RALGPS1: variants seen among roughly 807,000 people sequenced by gnomAD.
RALGPS1 encodes ras-specific guanine nucleotide-releasing factor RalGPS1.
RALGPS1 carries 19 observed loss-of-function variants against 78.8 expected under a neutral mutation model. The observed-to-expected ratio is 0.24, with a 90% CI of 0.17 to 0.35. The LOEUF is 0.35. Among genes scored for constraint, RALGPS1 ranks in the 10% least tolerant of loss-of-function variants. The pLI, the probability that RALGPS1 is intolerant of heterozygous loss-of-function variation, is 1.00. For missense variants in RALGPS1, 454 were observed against 688.3 expected (o/e 0.66, Z 3.81); for synonymous variants, 228 against 256.3 (o/e 0.89, Z 1.06).
chr9:127,019,388 T>C lies in RALGPS1; in HGVS notation c.217-15043T>C, dbSNP rs942010250. Among the ~76,000 whole-genome samples the C allele has an allele frequency of 3.9e-5, 6 of 152,120 alleles. No individual in the cohort carries two copies. The South Asian group carries it at 1.2e-3, about 32-fold the overall frequency. ...TGTCGCCCAGGCTGGAGTGCAGTGG[T>C]GCAATCTCGGCTCACTGCAAGCTCT... On this transcript the variant is annotated intron_variant, in intron 4 of 18. Coordinates refer to ENST00000259351, the MANE Select transcript of RALGPS1 (RefSeq NM_014636.3).
intron 7 of RALGPS1, among the ~76,000 whole-genome samples, chr9:127,067,765 C>T (rs1341603598): frequency 6.6e-6 from 1 of 152,200 alleles, no homozygotes; most frequent in Non-Finnish European, 1.5e-5. Flanking sequence ...GACCTCCAAT[C>T]CCAGAAGCAC....
intron 8 of RALGPS1, among the ~76,000 whole-genome samples, chr9:127,140,540 G>A (rs1216930750): frequency 6.6e-6 from 1 of 152,174 alleles, no homozygotes; most frequent in Non-Finnish European, 1.5e-5. Context: ...TCCACCAACA[G>A]AACATTCCAC....
intron 4 of RALGPS1, among the ~76,000 whole-genome samples, chr9:126,993,122 T>C (rs1047712562): frequency 9.2e-5 from 14 of 152,266 alleles, no homozygotes; most frequent in Non-Finnish European, 2.1e-4. Context: ...CCTGCATCTA[T>C]TGACATAATC....
chr9:127,081,951 A>T (rs1322415155), intron 8 of RALGPS1, among the ~76,000 whole-genome samples: 2 of 152,216 alleles, frequency 1.3e-5, no homozygotes, highest in Non-Finnish European at 2.9e-5. Context: ...CTGGCCCAGG[A>T]TGGCCATTCA....
chr9:127,036,372 A>G (rs2046867015), intron 5 of RALGPS1, among the ~76,000 whole-genome samples: 1 of 152,238 alleles, frequency 6.6e-6, no homozygotes. Flanking sequence ...AAGACTCATC[A>G]GACTCCAAAT....
At chr9:127,099,394 A>G (rs990130766) in intron 8 of RALGPS1, among the ~76,000 whole-genome samples, 9 of 152,222 alleles carry the variant, frequency 5.9e-5, no homozygotes, top group African/African-American at 1.9e-4. Flanking sequence ...AAGTCTTCTT[A>G]CCACTCCCTG....
chr9:126,966,290 A>G (rs753496398), intron 3 of RALGPS1, among the ~76,000 whole-genome samples: 2 of 152,130 alleles, frequency 1.3e-5, no homozygotes, highest in Non-Finnish European at 1.5e-5. Flanking sequence ...AGGCTGAGGT[A>G]GGAGGATGGC....
At chr9:127,154,732 A>G (rs1450239857) in intron 8 of RALGPS1, among the ~76,000 whole-genome samples, 1 of 152,222 alleles carries the variant, frequency 6.6e-6, no homozygotes, top group Non-Finnish European at 1.5e-5. Context: ...GTTATACTTA[A>G]AGACTAGGTA....
At chr9:127,200,209 A>G (rs1564781855) in intron 14 of RALGPS1, among the ~76,000 whole-genome samples, 1 of 152,284 alleles carries the variant, frequency 6.6e-6, no homozygotes, top group South Asian at 2.1e-4. Flanking sequence ...TAGTCTTCAT[A>G]ATCATAAATT....
intron 4 of RALGPS1, chr9:127,016,584 C>G (rs2134028266): frequency 6.6e-6 from 1 of 152,268 alleles, no homozygotes; most frequent in East Asian, 1.9e-4. Flanking sequence ...TTCATTCTAC[C>G]TATAACCCGA....
At chr9:127,181,076 G>A (rs184214736) in intron 11 of RALGPS1, among the ~76,000 whole-genome samples, 21 of 152,348 alleles carry the variant, frequency 1.4e-4, no homozygotes, top group Non-Finnish European at 2.5e-4. Flanking sequence ...CAGAAGTCAC[G>A]CAGCCTTACT....
intron 14 of RALGPS1, among the ~76,000 whole-genome samples, chr9:127,202,388 C>T (rs1423055344): frequency 6.6e-6 from 1 of 152,110 alleles, no homozygotes; most frequent in Non-Finnish European, 1.5e-5. Context: ...GCTGCAGATG[C>T]CCAGTAGGTC....
In RALGPS1 at chr9:127,108,806, A is replaced by G. The variant is rs2137124899; in HGVS notation, c.610+39450A>G. 51 of 1,450,324 alleles carry G rather than the reference A, an allele frequency of 3.5e-5. 2 individuals are homozygous for G. In the South Asian group the frequency reaches 6.8e-4, roughly 19 times the overall value. 89.8% of individuals were successfully genotyped at this position (1,450,324 alleles called of 1,614,324 possible). ...CTGAAAGTAAACAGAGGGGAGAATC[A>G]GTGATGGTCCCACCACTGTCAGTGC... On this transcript the variant is annotated intron_variant, in intron 8 of 18. Coordinates refer to ENST00000259351, the MANE Select transcript of RALGPS1 (RefSeq NM_014636.3).
chr9:126,953,456 C>T (rs7854363), intron 1 of RALGPS1, among the ~76,000 whole-genome samples: 8,009 of 152,030 alleles, frequency 0.053, 243 homozygotes, highest in South Asian at 0.078. Context: ...GTTTTTGGTG[C>T]AGTGCAAACT....
At chr9:127,105,255 CTG>C (rs1589500815) in intron 8 of RALGPS1, among the ~76,000 whole-genome samples, 1 of 152,328 alleles carries the variant, frequency 6.6e-6, no homozygotes. Context: ...CCAGTTATCT[CTG>C]TGATGAAATC....
At chr9:127,179,777 G>C (rs1242599269) in intron 11 of RALGPS1, among the ~76,000 whole-genome samples, 1 of 152,210 alleles carries the variant, frequency 6.6e-6, no homozygotes. Context: ...GTGCCGGGCG[G>C]TCTCTCTGGC....
Position 127,110,027 on chromosome 9 carries a change from T to A in RALGPS1, c.610+40671T>A, listed in dbSNP as rs562241895. On this transcript the variant is annotated intron_variant, in intron 8 of 18. Transcript: ENST00000259351. ...GGTTTTCCTATAATCATACGGTTTT[T>A]TCTCTCAACTTAAAACCCTCTCTTG... 2.0e-5 allele frequency among the ~76,000 whole-genome samples: 3 copies of A among 152,328 alleles called. No individual in the cohort carries two copies. The South Asian group carries it at 6.2e-4, about 32-fold the overall frequency.
chr9:127,096,066 A>G (rs1281189760), intron 8 of RALGPS1, among the ~76,000 whole-genome samples: 1 of 152,196 alleles, frequency 6.6e-6, no homozygotes, highest in East Asian at 1.9e-4. Flanking sequence ...GGGATGGGGC[A>G]GGACCCAATG....
At chr9:127,217,453 C>T in intron 18 of RALGPS1, 1 of 986,136 alleles carries the variant, frequency 1.0e-6, no homozygotes, top group Non-Finnish European at 1.2e-6. Context: ...CACAAGGAAA[C>T]ATCGCAGTGA....
Sources: allele counts gnomAD v4.1 joint callset (sites outside exome capture counted in the v4.1 genomes callset), GRCh38; gene constraint gnomAD v4.1.1; transcripts MANE v1.5; gene names NCBI Gene and HGNC (gene_info 2026-07-23, HGNC 2026-07-21).